Variants in SGIP1 observed in about 807,000 individuals in gnomAD.
SGIP1 encodes the protein SH3-containing GRB2-like protein 3-interacting protein 1.
Under a neutral mutation model 107.5 loss-of-function variants are expected in SGIP1, and 38 were observed. The observed-to-expected ratio is 0.35, with a 90% confidence interval of 0.27 to 0.46. The LOEUF is 0.46. Among genes scored for constraint, SGIP1 ranks in the 20% least tolerant of loss-of-function variants. The pLI, the probability that SGIP1 is intolerant of heterozygous loss-of-function variation, is 1.00. For missense variants in SGIP1, 929 were observed against 1,019.5 expected, an observed-to-expected ratio of 0.91 and a Z score of 1.21; for synonymous variants, 365 against 366.1, an observed-to-expected ratio of 1.00 and a Z score of 0.03.
chr1:66,653,250 G>C (rs527949764), intron 7 of SGIP1, among the ~76,000 whole-genome samples: 1 of 152,246 alleles, frequency 6.6e-6, no homozygotes, highest in South Asian at 2.1e-4. Flanking sequence ...ACCATGGACT[G>C]TGTGCAGAAA....
intron 7 of SGIP1, among the ~76,000 whole-genome samples, chr1:66,654,736 A>G (rs2149617157): frequency 6.6e-6 from 1 of 152,334 alleles, no homozygotes; most frequent in South Asian, 2.1e-4. Flanking sequence ...TGAAGGTGAT[A>G]TTTCCTTCTG....
At chr1:66,631,094 AG>A (rs1558137428) in intron 2 of SGIP1, among the ~76,000 whole-genome samples, 56 of 140,002 alleles carry the variant, frequency 4.0e-4, no homozygotes, top group East Asian at 2.5e-3. Flanking sequence ...AAAGAAAGAA[AG>A]AAAGAAAAAA....
At chr1:66,673,408 T>C (rs546809926) in intron 12 of SGIP1, 42 bp downstream of exon 12, 9 of 1,496,138 alleles carry the variant, frequency 6.0e-6, no homozygotes, top group African/African-American at 5.6e-5. Flanking sequence ...TGTTTTTTCT[T>C]TTATTAAAGT....
chr1:66,736,826 C>T (rs963985276), intron 21 of SGIP1, among the ~76,000 whole-genome samples: 1 of 151,864 alleles, frequency 6.6e-6, no homozygotes, highest in African/African-American at 2.4e-5. Context: ...GCATCCTCTG[C>T]TTTGGAAAAC....
At chr1:66,577,219 A>G (rs1024400842) in intron 1 of SGIP1, among the ~76,000 whole-genome samples, 1 of 152,076 alleles carries the variant, frequency 6.6e-6, no homozygotes, top group Non-Finnish European at 1.5e-5. Context: ...TCCTCCATGA[A>G]GGCCTTTCTT....
rs1282195760 is a variant in SGIP1 at position 66,689,152 on chromosome 1, A to AAAGG, written c.1320_1321insAAGG (p.Ser441LysfsTer47). On this transcript the variant is annotated frameshift_variant, in exon 16 of 25. Transcript: ENST00000371037. LOFTEE classifies it high-confidence loss of function. ...TAATGCTAGTTTGTTTTTCAGGTGCATCATCCCCTGCTCGACCAGCCACTC... is the reference window on the plus strand; with the variant it reads ...TAATGCTAGTTTGTTTTTCAGGTGCAAAGGTCATCCCCTGCTCGACCAGCCACTC... The AAAGG allele has an allele frequency of 6.2e-7, 1 of 1,612,082 alleles. No homozygotes were observed.
chr1:66,703,012 G>A (rs1437547092), intron 18 of SGIP1, among the ~76,000 whole-genome samples: 2 of 152,204 alleles, frequency 1.3e-5, no homozygotes, highest in African/African-American at 2.4e-5. Context: ...GTTGCTATGC[G>A]TGGACAATTT....
At chr1:66,731,323 G>C (rs2150595436) in intron 20 of SGIP1, among the ~76,000 whole-genome samples, 1 of 152,184 alleles carries the variant, frequency 6.6e-6, no homozygotes, top group Middle Eastern at 3.4e-3. Context: ...CCAATATCTT[G>C]CCAGTTTGTT....
At chr1:66,645,234 G>A (rs1048732012) in intron 7 of SGIP1, among the ~76,000 whole-genome samples, 15 of 152,144 alleles carry the variant, frequency 9.9e-5, no homozygotes, top group African/African-American at 3.1e-4. Context: ...CAAATGTACC[G>A]GCACAGTCCC....
intron 1 of SGIP1, among the ~76,000 whole-genome samples, chr1:66,623,585 G>A (rs1335858323): frequency 6.6e-6 from 1 of 152,042 alleles, no homozygotes; most frequent in South Asian, 2.1e-4. Flanking sequence ...TTTGATTAGG[G>A]CATTTTTTTT....
At chr1:66,657,662 G>A (rs2080059695) in intron 7 of SGIP1, among the ~76,000 whole-genome samples, 1 of 152,076 alleles carries the variant, frequency 6.6e-6, no homozygotes, top group African/African-American at 2.4e-5. Context: ...TATGGGATAA[G>A]CCACTTTTCA....
chr1:66,655,497 C>T (rs569961365), intron 7 of SGIP1, among the ~76,000 whole-genome samples: 4 of 152,282 alleles, frequency 2.6e-5, no homozygotes, highest in East Asian at 1.9e-4. Flanking sequence ...ATTACACAGC[C>T]GTGTGTTGCT....
chr1:66,699,894 G>A (rs1372806245), intron 18 of SGIP1, among the ~76,000 whole-genome samples: 2 of 152,018 alleles, frequency 1.3e-5, no homozygotes, highest in East Asian at 3.8e-4. Context: ...TTAAATTGGG[G>A]AATTTGAGGT....
In SGIP1 at chr1:66,555,582, T is replaced by C. The variant is rs990877380; in HGVS notation, c.10+21214T>C. 5.9e-5 allele frequency among the ~76,000 whole-genome samples: 9 copies of C among 152,270 alleles called. No individual in the cohort carries two copies. In the South Asian group the frequency reaches 1.9e-3, roughly 32 times the overall value. ...TGACTCCTTTCCACAAAGGTTTCCC[T>C]GACTAATGCAGCCCAATTCATGTCA... On this transcript the variant is annotated intron_variant, in intron 1 of 24. Transcript: ENST00000371037.
At chr1:66,593,118 T>A (rs1330496876) in intron 1 of SGIP1, among the ~76,000 whole-genome samples, 1 of 152,066 alleles carries the variant, frequency 6.6e-6, no homozygotes, top group African/African-American at 2.4e-5. Context: ...TTTCCTGGCT[T>A]GATAGCTCAT....
intron 1 of SGIP1, among the ~76,000 whole-genome samples, chr1:66,580,642 C>T (rs941485795): frequency 9.2e-5 from 14 of 151,946 alleles, no homozygotes; most frequent in Non-Finnish European, 1.9e-4. Flanking sequence ...TAATAACATC[C>T]AATATAGCAA....
intron 18 of SGIP1, among the ~76,000 whole-genome samples, chr1:66,701,824 T>C (rs1248997847): frequency 2.6e-5 from 4 of 152,186 alleles, no homozygotes; most frequent in African/African-American, 9.7e-5. Context: ...AAGTGTCCCC[T>C]GTTTCTGGCC....
At chr1:66,703,444 C>T (rs1021921101) in intron 18 of SGIP1, among the ~76,000 whole-genome samples, 9 of 151,792 alleles carry the variant, frequency 5.9e-5, no homozygotes, top group African/African-American at 2.2e-4. Context: ...CTAAGGTATG[C>T]TTGGTATTAT....
rs189450035 is a variant in SGIP1 at position 66,558,539 on chromosome 1, C to T, written c.10+24171C>T. Among the ~76,000 whole-genome samples, 226 of 151,920 alleles carry T rather than the reference C, an allele frequency of 1.5e-3. 1 individual carries two copies. Among genetic ancestry groups the T allele is most frequent in the Non-Finnish European group, 2.5e-3 (167 of 67,924 alleles). On this transcript the variant is annotated intron_variant, in intron 1 of 24. Coordinates refer to ENST00000371037, the MANE Select transcript of SGIP1 (RefSeq NM_032291.4). ...AACCCTGAAAGATTATGTTGTATTG[C>T]GAGTATCATTAATTAATAATAGCTA...
Sources: gnomAD v4.1 joint callset for allele counts (sites outside exome capture counted in the v4.1 genomes callset) on GRCh38, gnomAD v4.1.1 for gene constraint, MANE v1.5 for transcripts, NCBI Gene and HGNC (gene_info 2026-07-23, HGNC 2026-07-21) for gene names.